The following KIAA1328 variants were observed in gnomAD, a reference collection of about 807,000 sequenced individuals.
The protein encoded by KIAA1328 is KIAA1328, also known as protein hinderin.
In KIAA1328, 52 loss-of-function variants were observed where a neutral mutation model predicts 68.1. That is an observed-to-expected ratio of 0.76 (90% CI 0.61 to 0.96). The LOEUF (loss-of-function observed/expected upper bound fraction) is 0.96. Among genes scored for constraint, KIAA1328 ranks in the 40% least tolerant of loss-of-function variants. The probability of loss-of-function intolerance (pLI) is 0.00; values close to 1 mark genes in which losing one functional copy is unlikely to be tolerated. For missense variants in KIAA1328, 641 were observed against 677.6 expected (o/e 0.95, Z 0.60); for synonymous variants, 232 against 239.4 (o/e 0.97, Z 0.28).
At chr18:37,139,106 G>A (rs990500033) in intron 7 of KIAA1328, among the ~76,000 whole-genome samples, 10 of 151,726 alleles carry the variant, frequency 6.6e-5, no homozygotes, top group East Asian at 5.8e-4. Context: ...ACAGGTGCCC[G>A]CCACCATGCC....
At chr18:37,032,460 C>T (rs1384283200) in intron 6 of KIAA1328, among the ~76,000 whole-genome samples, 3 of 151,620 alleles carry the variant, frequency 2.0e-5, no homozygotes, top group South Asian at 2.1e-4. Flanking sequence ...TTTATTTATA[C>T]CTGGAGATAG....
rs1198569865 is a variant in KIAA1328 at position 36,961,271 on chromosome 18, A to AG, written c.576+1836_576+1837insG. On this transcript the variant is annotated intron_variant, in intron 6 of 9. Coordinates refer to ENST00000280020, the MANE Select transcript of KIAA1328 (RefSeq NM_020776.3). ...TGAGAAGACAAGCTTAGAGAAAAAA[A>AG]AGTAAAAACAAACGAGCAAAGCCTC... 2.6e-4 allele frequency among the ~76,000 whole-genome samples: 40 copies of AG among 152,158 alleles called. 1 individual carries two copies. The highest frequency in any genetic ancestry group is 2.6e-3 in the Admixed American group (40 of 15,290).
At chr18:37,072,571 A>T (rs891720729) in intron 7 of KIAA1328, among the ~76,000 whole-genome samples, 1 of 151,976 alleles carries the variant, frequency 6.6e-6, no homozygotes, top group East Asian at 1.9e-4. Context: ...TTTTTTTCTA[A>T]TACTTTTTGA....
At chr18:37,078,431 T>C (rs1345688377) in intron 7 of KIAA1328, among the ~76,000 whole-genome samples, 98 of 152,084 alleles carry the variant, frequency 6.4e-4, no homozygotes, top group African/African-American at 2.4e-3. Context: ...AAGGACTTCA[T>C]GTCGAAAACA....
intron 5 of KIAA1328, among the ~76,000 whole-genome samples, chr18:36,893,213 C>T (rs1448616209): frequency 6.6e-6 from 1 of 152,070 alleles, no homozygotes; most frequent in Non-Finnish European, 1.5e-5. Context: ...ACTCCTCACC[C>T]ACTCCAGTCC....
chr18:37,136,710 A>G (rs2058654098), intron 7 of KIAA1328, among the ~76,000 whole-genome samples: 1 of 152,238 alleles, frequency 6.6e-6, no homozygotes, highest in South Asian at 2.1e-4. Context: ...ACTTTGGTTT[A>G]TACCTGTCTT....
chr18:37,116,774 C>A (rs1391312639), intron 7 of KIAA1328, among the ~76,000 whole-genome samples: 1 of 151,974 alleles, frequency 6.6e-6, no homozygotes, highest in Non-Finnish European at 1.5e-5. Context: ...TGACAAAGGC[C>A]TAATATCTAG....
At chr18:37,039,644 C>A (rs1470068927) in intron 6 of KIAA1328, among the ~76,000 whole-genome samples, 1 of 152,130 alleles carries the variant, frequency 6.6e-6, no homozygotes, top group African/African-American at 2.4e-5. Flanking sequence ...ATCTCTTGAC[C>A]TCGTGATCCG....
chr18:37,077,664 C>T (rs911617346), intron 7 of KIAA1328, among the ~76,000 whole-genome samples: 10 of 145,520 alleles, frequency 6.9e-5, no homozygotes, highest in Non-Finnish European at 1.0e-4. Context: ...GTGCAAAAAT[C>T]ACAAGCATTC....
intron 4 of KIAA1328, among the ~76,000 whole-genome samples, chr18:36,867,093 T>C (rs1481206881): frequency 1.2e-4 from 19 of 152,156 alleles, no homozygotes; most frequent in Admixed American, 1.1e-3. Context: ...CATGTTGAAA[T>C]GTGATCCCCA....
At chr18:37,050,274 C>T (rs1388199361) in intron 6 of KIAA1328, among the ~76,000 whole-genome samples, 1 of 152,050 alleles carries the variant, frequency 6.6e-6, no homozygotes, top group Non-Finnish European at 1.5e-5. Flanking sequence ...TCTTATAGAT[C>T]ATTTTTTTAT....
Position 37,213,256 on chromosome 18 carries a change from G to A in KIAA1328, c.1524-8761G>A, listed in dbSNP as rs894142219. On this transcript the variant is annotated intron_variant, in intron 9 of 9. Transcript: ENST00000280020. Reference sequence around the variant, plus strand: ...GTTTGTTTGCTGCACCCATTAACTCGTCATTTACATTAGGTATTTCTCCTA... The same window carrying A: ...GTTTGTTTGCTGCACCCATTAACTCATCATTTACATTAGGTATTTCTCCTA... Among the ~76,000 whole-genome samples, 8 of 152,024 alleles carry A rather than the reference G, an allele frequency of 5.3e-5. 1 individual carries two copies. Among genetic ancestry groups the A allele is most frequent in the Non-Finnish European group, 7.4e-5 (5 of 68,012 alleles).
At chr18:36,975,178 T>G in intron 6 of KIAA1328, among the ~76,000 whole-genome samples, 1 of 109,108 alleles carries the variant, frequency 9.2e-6, no homozygotes, top group Non-Finnish European at 2.0e-5. Context: ...AAGCTACAAT[T>G]TTTTTTTTTT....
intron 7 of KIAA1328, among the ~76,000 whole-genome samples, chr18:37,108,282 A>G (rs2057829867): frequency 6.6e-6 from 1 of 151,946 alleles, no homozygotes; most frequent in Non-Finnish European, 1.5e-5. Flanking sequence ...AAAACCAAAT[A>G]CTGCATGTTC....
intron 5 of KIAA1328, among the ~76,000 whole-genome samples, chr18:36,932,806 C>G (rs1469841292): frequency 6.6e-6 from 1 of 152,200 alleles, no homozygotes; most frequent in Non-Finnish European, 1.5e-5. Flanking sequence ...AGTGGGGTTT[C>G]TATCACTTCT....
At chr18:36,961,689 A>G (rs2051681984) in intron 6 of KIAA1328, among the ~76,000 whole-genome samples, 2 of 152,340 alleles carry the variant, frequency 1.3e-5, no homozygotes, top group East Asian at 1.9e-4. Flanking sequence ...AGAATTTTCA[A>G]CCCAGAATTT....
intron 6 of KIAA1328, among the ~76,000 whole-genome samples, chr18:36,966,929 TATGG>T (rs2051964150): frequency 6.6e-6 from 1 of 152,180 alleles, no homozygotes; most frequent in Non-Finnish European, 1.5e-5. Flanking sequence ...TTAAAATTTA[TATGG>T]AAGTGCAAAG....
intron 6 of KIAA1328, among the ~76,000 whole-genome samples, chr18:37,034,008 A>AT (rs1176283997): frequency 1.3e-5 from 2 of 152,142 alleles, no homozygotes; most frequent in Non-Finnish European, 2.9e-5. Context: ...TAATTTTCTA[A>AT]TTTTTTCTCC....
chr18:37,100,728 T>C (rs1470826697), intron 7 of KIAA1328, among the ~76,000 whole-genome samples: 1 of 152,178 alleles, frequency 6.6e-6, no homozygotes, highest in Non-Finnish European at 1.5e-5. Context: ...CCTCCTCAAG[T>C]GGGTCCCTGA....
Sources: allele counts gnomAD v4.1 joint callset (sites outside exome capture counted in the v4.1 genomes callset), GRCh38; gene constraint gnomAD v4.1.1; transcripts MANE v1.5; gene names NCBI Gene and HGNC (gene_info 2026-07-23, HGNC 2026-07-21).